The following ATXN7 variants were observed in gnomAD, a reference collection of about 807,000 sequenced individuals.
The protein encoded by ATXN7 is ataxin 7.
Under a neutral mutation model 70.5 loss-of-function variants are expected in ATXN7, and 12 were observed. The observed-to-expected ratio is 0.17, with a 90% CI of 0.11 to 0.28. ATXN7 has a LOEUF of 0.28. Among genes scored for constraint, ATXN7 ranks in the 10% least tolerant of loss-of-function variants. ATXN7 has a pLI of 1.00. For missense variants in ATXN7, 1,256 were observed against 1,131.7 expected, an observed-to-expected ratio of 1.11 and a Z score of -1.58; for synonymous variants, 498 against 448.7, an observed-to-expected ratio of 1.11 and a Z score of -1.39.
intron 4 of ATXN7, among the ~76,000 whole-genome samples, chr3:63,950,490 GA>G (rs1241187835): frequency 1.3e-5 from 2 of 152,104 alleles, no homozygotes; most frequent in African/African-American, 4.8e-5. Flanking sequence ...TTTCATTAAT[GA>G]AATTGTTCAT....
chr3:64,002,477 ATG>A lies in ATXN7; in HGVS notation c.*3015_*3016del, dbSNP rs771938770. The A allele has an allele frequency of 1.3e-5, 2 of 151,816 alleles. No homozygotes were observed. The highest frequency in any genetic ancestry group is 2.9e-5 in the Non-Finnish European group (2 of 67,946). The allele number at this position is 151,816 out of a possible 1,614,324, so 9.4% of individuals were successfully genotyped here. ...ACTGCTTTTCTTTTGTTAGTATTTT[ATG>A]TGTGGGAGTATGTGACTGCGTGTGT... On this transcript the variant is annotated 3_prime_UTR_variant, in exon 13 of 13. Transcript: ENST00000674280.
chr3:63,867,217 T>A (rs1213967270), intron 1 of ATXN7, among the ~76,000 whole-genome samples: 2 of 152,218 alleles, frequency 1.3e-5, no homozygotes, highest in Admixed American at 6.5e-5. Context: ...TTTGTGTATG[T>A]GTATTTTTCT....
intron 1 of ATXN7, among the ~76,000 whole-genome samples, chr3:63,896,462 G>A (rs1703452241): frequency 6.6e-6 from 1 of 152,130 alleles, no homozygotes; most frequent in Non-Finnish European, 1.5e-5. Flanking sequence ...TTGGTGTACT[G>A]GAAAGGGAAC....
At chr3:63,994,927 A>G (rs541436259) in intron 11 of ATXN7, among the ~76,000 whole-genome samples, 7 of 152,364 alleles carry the variant, frequency 4.6e-5, no homozygotes, top group African/African-American at 1.7e-4. Context: ...ACCATGCTGA[A>G]TATCCCTTGA....
At chr3:63,907,327 G>A (rs1278659767) in intron 2 of ATXN7, among the ~76,000 whole-genome samples, 1 of 152,076 alleles carries the variant, frequency 6.6e-6, no homozygotes, top group Non-Finnish European at 1.5e-5. Flanking sequence ...CAGTACAAAG[G>A]TACATGGGAA....
At chr3:63,988,926 A>G (rs886417179) in intron 9 of ATXN7, among the ~76,000 whole-genome samples, 1 of 152,184 alleles carries the variant, frequency 6.6e-6, no homozygotes, top group African/African-American at 2.4e-5. Context: ...TGAAGTAAAG[A>G]CTGTACCTAG....
Position 63,996,743 on chromosome 3 carries a change from T to A in ATXN7, c.2661+260T>A, listed in dbSNP as rs1275948770. The stretch of plus-strand genomic sequence containing the variant: ...AGAAACTACAGTAATGCATTTTTAG[T>A]AGAGCTGCAGAAAGCATCGGTTGTG... On this transcript the variant is annotated intron_variant, in intron 12 of 12. Coordinates refer to ENST00000674280, the MANE Select transcript of ATXN7 (RefSeq NM_001377405.1). The A allele has an allele frequency of 6.2e-6, 3 of 485,454 alleles. No homozygotes were observed. In the East Asian group the frequency reaches 1.0e-4, roughly 17 times the overall value. 30.1% of individuals were successfully genotyped at this position (485,454 alleles called of 1,614,324 possible).
Position 63,912,748 on chromosome 3 carries a change from C to CCCGCCA in ATXN7, c.156_161dup (p.Pro54_Pro55dup). ...CTCCGCAGCCCCAGCGGCAGCAGCA[C>CCCGCCA]CCGCCACCGCCGCCACGGCGCACAC... is the stretch of plus-strand genomic sequence containing the variant. On this transcript the variant is annotated inframe_insertion, in exon 3 of 13. Transcript: ENST00000674280. 1 of 1,303,600 alleles carries CCCGCCA rather than the reference C, an allele frequency of 7.7e-7. No homozygotes were observed. The highest frequency in any genetic ancestry group is 3.3e-5 in the East Asian group (1 of 30,374). 80.8% of individuals were successfully genotyped at this position (1,303,600 alleles called of 1,614,324 possible).
At chr3:63,955,174 C>T (rs2075020319) in intron 5 of ATXN7, among the ~76,000 whole-genome samples, 1 of 152,192 alleles carries the variant, frequency 6.6e-6, no homozygotes. Context: ...ACTCCAAGGT[C>T]TCCTGTGGCT....
At chr3:63,967,936 C>T in intron 5 of ATXN7, 10 of 1,535,924 alleles carry the variant, frequency 6.5e-6, no homozygotes, top group Non-Finnish European at 7.8e-6. Flanking sequence ...GACGCCTCTC[C>T]AAAGCAGCCC....
chr3:63,954,894 A>C (rs1177634239), intron 5 of ATXN7, among the ~76,000 whole-genome samples: 6 of 151,824 alleles, frequency 4.0e-5, no homozygotes, highest in Non-Finnish European at 7.4e-5. Flanking sequence ...TTTTTATTAG[A>C]AATGGCGTTT....
chr3:63,880,331 C>G (rs1702874165), intron 1 of ATXN7, among the ~76,000 whole-genome samples: 2 of 152,082 alleles, frequency 1.3e-5, no homozygotes, highest in South Asian at 2.1e-4. Flanking sequence ...AGACAGGTCA[C>G]AAATATTTAT....
At chr3:63,957,469 G>A (rs1266981605) in intron 5 of ATXN7, among the ~76,000 whole-genome samples, 1 of 152,102 alleles carries the variant, frequency 6.6e-6, no homozygotes, top group Admixed American at 6.5e-5. Context: ...CTTTAAATCA[G>A]ACCACTTTTA....
Position 63,999,441 on chromosome 3 carries a change from T to C in ATXN7, c.2662-9T>C. On this transcript the variant is annotated splice_polypyrimidine_tract_variant and intron_variant, in intron 12 of 12. Transcript: ENST00000674280. ...TTTCATTATTTCCCCACCCCCTCTT[T>C]TTTGAAAGCCAAAGGCACGTCCCTG... 1 of 1,612,742 alleles carries C rather than the reference T, an allele frequency of 6.2e-7. No individual in the cohort carries two copies. The highest frequency in any genetic ancestry group is 8.5e-7 in the Non-Finnish European group (1 of 1,178,810).
Position 63,999,483 on chromosome 3 carries a change from C to CG in ATXN7, c.*20dup, listed in dbSNP as rs1389085494. On this transcript the variant is annotated 3_prime_UTR_variant, in exon 13 of 13. Coordinates refer to ENST00000674280, the MANE Select transcript of ATXN7 (RefSeq NM_001377405.1). ...ACGTCCCTGACAGCTGAAAATAGCACGGGGAGGAATAATGCGGACACTTTT... is the reference window on the plus strand; with the variant it reads ...ACGTCCCTGACAGCTGAAAATAGCACGGGGGAGGAATAATGCGGACACTTTT... 6.2e-7 allele frequency: 1 copy of CG among 1,613,714 alleles called. No homozygotes were observed. The highest frequency in any genetic ancestry group is 1.3e-5 in the African/African-American group (1 of 74,888).
chr3:63,892,492 CA>C lies in ATXN7; in HGVS notation c.-110-5906del, dbSNP rs1250287661. Among the ~76,000 whole-genome samples the C allele has an allele frequency of 4.2e-4, 61 of 146,456 alleles. 1 individual carries two copies. In the South Asian group the frequency reaches 6.7e-3, roughly 16 times the overall value. On this transcript the variant is annotated intron_variant, in intron 1 of 12. Transcript: ENST00000674280. ...TCACACACACACACACACACACACA[CA>C]CCCACACACACACACACACACCCCA...
chr3:63,995,086 C>G (rs1384318389), intron 11 of ATXN7, among the ~76,000 whole-genome samples: 1 of 152,152 alleles, frequency 6.6e-6, no homozygotes, highest in Non-Finnish European at 1.5e-5. Flanking sequence ...CTGTGCTGAA[C>G]ACTAGGACCA....
At chr3:63,918,939 G>A (rs539434949) in intron 4 of ATXN7, among the ~76,000 whole-genome samples, 10 of 152,200 alleles carry the variant, frequency 6.6e-5, no homozygotes, top group African/African-American at 1.7e-4. Context: ...CAGCGTGGCC[G>A]TGACAGTGGG....
chr3:63,873,917 T>A (rs1411080417), intron 1 of ATXN7: 1 of 152,012 alleles, frequency 6.6e-6, no homozygotes, highest in African/African-American at 2.4e-5. Flanking sequence ...TCTAGACTGG[T>A]CTCCCATTTC....
Sources: allele counts gnomAD v4.1 joint callset (sites outside exome capture counted in the v4.1 genomes callset), GRCh38; gene constraint gnomAD v4.1.1; transcripts MANE v1.5; gene names NCBI Gene and HGNC (gene_info 2026-07-23, HGNC 2026-07-21).